The following KLHL10 variants were observed in gnomAD, a reference collection of about 807,000 sequenced individuals.
KLHL10 encodes kelch-like protein 10.
Under a neutral mutation model 46.6 loss-of-function variants are expected in KLHL10, and 11 were observed. That is an observed-to-expected ratio of 0.24 (90% CI 0.15 to 0.39). KLHL10 has a LOEUF of 0.39. Among genes scored for constraint, KLHL10 ranks in the 10% least tolerant of loss-of-function variants. KLHL10 has a pLI of 1.00. For synonymous variants in KLHL10, 254 were observed against 279.1 expected, an observed-to-expected ratio of 0.91 and a Z score of 0.90; for missense variants, 475 against 789.8, an observed-to-expected ratio of 0.60 and a Z score of 4.78.
chr17:41,844,946 A>G (rs1170160434), intron 2 of KLHL10, among the ~76,000 whole-genome samples, 180 bp from the exon 3 acceptor site: 1 of 152,174 alleles, frequency 6.6e-6, no homozygotes, highest in African/African-American at 2.4e-5. Flanking sequence ...TGGCCTCCCA[A>G]AGTGCTGGGA....
chr17:41,836,830 C>A (rs539513653), upstream of KLHL10, among the ~76,000 whole-genome samples: 3 of 151,360 alleles, frequency 2.0e-5, no homozygotes, highest in East Asian at 5.9e-4. Flanking sequence ...GTCTCAGAAA[C>A]AAAAACAGAA....
chr17:41,843,418 T>A (rs2048247190), intron 2 of KLHL10, among the ~76,000 whole-genome samples: 1 of 150,858 alleles, frequency 6.6e-6, no homozygotes, highest in Non-Finnish European at 1.5e-5. Flanking sequence ...GGCAGGAGAA[T>A]AACTTGAACT....
chr17:41,845,437 T>G lies in KLHL10; in HGVS notation c.996T>G (p.His332Gln). The stretch of plus-strand genomic sequence containing the variant: ...AGGAAGAGAGTCCCCGTGCCTACCA[T>G]GGGGCAGCCTATTTGAAAGGCTATG... ...TCEEESPRAYHGAAYLKGYVY... is the reference protein window; with the variant it reads ...TCEEESPRAYQGAAYLKGYVY... Residue 332 changes from histidine to glutamine, a missense_variant, in exon 3 of 5, where the codon CAT becomes CAG. Coordinates refer to ENST00000293303, the MANE Select transcript of KLHL10 (RefSeq NM_152467.5). 6.2e-7 allele frequency: 1 copy of G among 1,614,132 alleles called. No homozygotes were observed. Among genetic ancestry groups the G allele is most frequent in the Non-Finnish European group, 8.5e-7 (1 of 1,180,014 alleles).
intron 1 of KLHL10, among the ~76,000 whole-genome samples, chr17:41,841,207 G>GTTTACCCCC (rs1197238601): frequency 1.3e-5 from 2 of 152,022 alleles, no homozygotes; most frequent in Non-Finnish European, 2.9e-5. Flanking sequence ...TTCTCATGAA[G>GTTTACCCCC]TTTACCCCCT....
upstream of KLHL10, chr17:41,836,548 C>A: frequency 1.4e-6 from 1 of 737,058 alleles, no homozygotes; most frequent in Non-Finnish European, 1.7e-6. Flanking sequence ...TGGGGCTGGG[C>A]GCGGTGGCCC....
At chr17:41,836,096 G>GCCTC (rs2048152636), upstream of KLHL10, 5 of 1,345,136 alleles carry the variant, frequency 3.7e-6, no homozygotes, top group Non-Finnish European at 4.8e-6. Flanking sequence ...AAGCGGCGGT[G>GCCTC]CCTCGGTGAC....
At position 41,845,147 on chromosome 17, in the gene KLHL10, G is replaced by A. The variant is rs1257389160; in HGVS notation, c.706G>A (p.Ala236Thr). 3 of 1,614,234 alleles carry A rather than the reference G, an allele frequency of 1.9e-6. No individual in the cohort carries two copies. The highest frequency in any genetic ancestry group is 2.7e-5 in the African/African-American group (2 of 75,060). The change falls in exon 3 of 5, where the codon GCT becomes ACT. Residue 236 changes from alanine to threonine, a missense_variant. Ala to Thr is a moderately conservative substitution (Grantham distance 58, BLOSUM62 0). Transcript: ENST00000293303. ...LPKVRLALMH[A>T]EYFMNNVKMN... Reference sequence around the variant, plus strand: ...TTAGGTTCGCCTGGCCCTAATGCATGCTGAGTACTTCATGAACAATGTTAA... The same window carrying A: ...TTAGGTTCGCCTGGCCCTAATGCATACTGAGTACTTCATGAACAATGTTAA...
In KLHL10 at chr17:41,841,689, T is replaced by G; in HGVS notation, c.195-134T>G. On this transcript the variant is annotated intron_variant, in intron 1 of 4. Transcript: ENST00000293303. ...AAGGTAAGAGTGACCAAAGTCAGAG[T>G]TCTTGGAAAGGTGTTCTTCTTGTCC... is the stretch of plus-strand genomic sequence containing the variant. The G allele has an allele frequency of 3.0e-6, 3 of 1,005,676 alleles. No homozygotes were observed. The East Asian group carries it at 7.3e-5, about 25-fold the overall frequency. 62.3% of individuals were successfully genotyped at this position (1,005,676 alleles called of 1,614,324 possible).
At chr17:41,835,705 G>C (rs1474656799), upstream of KLHL10, 1 of 826,980 alleles carries the variant, frequency 1.2e-6, no homozygotes. Flanking sequence ...TTTTAGGACA[G>C]GCGAACCAAC....
upstream of KLHL10, chr17:41,835,948 G>A: frequency 6.3e-7 from 1 of 1,591,756 alleles, no homozygotes; most frequent in South Asian, 1.1e-5. Flanking sequence ...GCCTTCATCA[G>A]GGTGCTCACC....
chr17:41,843,114 A>G (rs2048243547), intron 2 of KLHL10, among the ~76,000 whole-genome samples: 1 of 147,148 alleles, frequency 6.8e-6, no homozygotes, highest in Non-Finnish European at 1.5e-5. Context: ...CAATACAGCG[A>G]GACCCTGTCT....
At chr17:41,837,681 G>A (rs141042286), upstream of KLHL10, 351 of 1,180,312 alleles carry the variant, frequency 3.0e-4, 3 homozygotes, top group African/African-American at 5.1e-3. Context: ...GAGGTGTGAG[G>A]TGGTTTTCAG....
chr17:41,836,200 C>G, upstream of KLHL10: 1 of 1,246,476 alleles, frequency 8.0e-7, no homozygotes, highest in South Asian at 3.7e-5. Context: ...CCATCCCGTT[C>G]GAGGCCTGGT....
intron 1 of KLHL10, among the ~76,000 whole-genome samples, chr17:41,839,837 C>T (rs1023718989): frequency 1.3e-5 from 2 of 152,074 alleles, no homozygotes; most frequent in Non-Finnish European, 2.9e-5. Context: ...CTCAGCCTCC[C>T]GAATATCTGG....
chr17:41,847,214 T>C (rs1453018669), intron 3 of KLHL10, 47 bp from the exon 4 acceptor site: 1 of 1,573,082 alleles, frequency 6.4e-7, no homozygotes, highest in Non-Finnish European at 8.7e-7. Flanking sequence ...CCTTTCTTTC[T>C]ACTCCCTAGA....
chr17:41,847,904 G>A, intron 4 of KLHL10, 29 bp from the exon 5 acceptor site: 4 of 1,613,224 alleles, frequency 2.5e-6, no homozygotes, highest in Non-Finnish European at 3.4e-6. Context: ...ATGGTTAGCA[G>A]TCAACCGTGT....
chr17:41,839,815 C>T (rs960679995), intron 1 of KLHL10, among the ~76,000 whole-genome samples: 8 of 152,146 alleles, frequency 5.3e-5, no homozygotes, highest in African/African-American at 1.9e-4. Context: ...CAGGTTCAAG[C>T]GATTCTCCTG....
At chr17:41,847,798 C>T in intron 4 of KLHL10, 135 bp from the exon 5 acceptor site, 1 of 1,240,532 alleles carries the variant, frequency 8.1e-7, no homozygotes, top group South Asian at 1.2e-5. Context: ...AGCCACTGCA[C>T]CCGGCTGAAA....
At chr17:41,840,261 C>T (rs1680827644) in intron 1 of KLHL10, among the ~76,000 whole-genome samples, 1 of 152,202 alleles carries the variant, frequency 6.6e-6, no homozygotes, top group Admixed American at 6.5e-5. Flanking sequence ...GGCTGTATTC[C>T]AATAAGATTA....
Sources: allele counts gnomAD v4.1 joint callset (sites outside exome capture counted in the v4.1 genomes callset), GRCh38; gene constraint gnomAD v4.1.1; transcripts MANE v1.5; gene names NCBI Gene and HGNC (gene_info 2026-07-23, HGNC 2026-07-21).